Variants in RANBP2 observed in about 807,000 individuals in gnomAD.
The protein encoded by RANBP2 is E3 SUMO-protein ligase RanBP2.
RANBP2 carries 57 observed loss-of-function variants against 303.6 expected under a neutral mutation model. The ratio of observed to expected loss-of-function variants is 0.19; its 90% CI spans 0.15 to 0.23. The LOEUF is 0.23. Among genes scored for constraint, RANBP2 ranks in the 10% least tolerant of loss-of-function variants. RANBP2 has a pLI of 1.00. For synonymous variants in RANBP2, 1,167 were observed against 1,301.5 expected, an observed-to-expected ratio of 0.90 and a Z score of 2.23; for missense variants, 3,138 against 3,780.8, an observed-to-expected ratio of 0.83 and a Z score of 4.46.
chr2:109,280,170 T>C, the RANBP2 span, among the ~76,000 whole-genome samples: 2 of 152,196 alleles, frequency 1.3e-5, no homozygotes, highest in African/African-American at 4.8e-5. Context: ...AGCTGACATC[T>C]ATAATTAATG....
intron 6 of RANBP2, among the ~76,000 whole-genome samples, chr2:108,738,930 A>C (rs1012832910): frequency 7.9e-5 from 12 of 152,048 alleles, no homozygotes; most frequent in African/African-American, 2.6e-4. Context: ...GCACAGGGCC[A>C]ATAATAGCAT....
chr2:108,845,869 C>T, the RANBP2 span, among the ~76,000 whole-genome samples: 2 of 152,144 alleles, frequency 1.3e-5, no homozygotes, highest in Non-Finnish European at 1.5e-5. Flanking sequence ...CCGCGCCCAG[C>T]CTCATTTTAT....
At chr2:109,501,425 C>A in the RANBP2 span, 1 of 648,052 alleles carries the variant, frequency 1.5e-6, no homozygotes, top group South Asian at 1.8e-5. Flanking sequence ...ATAATTTACA[C>A]CGAGGGAAGA....
the RANBP2 span, among the ~76,000 whole-genome samples, chr2:109,447,427 A>G: frequency 6.6e-6 from 1 of 152,154 alleles, no homozygotes; most frequent in Non-Finnish European, 1.5e-5. Context: ...GGGGGCTGAG[A>G]AGATTGTTTT....
chr2:109,498,649 C>T, the RANBP2 span, among the ~76,000 whole-genome samples: 1 of 152,222 alleles, frequency 6.6e-6, no homozygotes, highest in Admixed American at 6.5e-5. Flanking sequence ...GTTCATTCCC[C>T]CTAAGTAGTA....
chr2:109,756,434 G>A, the RANBP2 span, among the ~76,000 whole-genome samples: 11 of 120,828 alleles, frequency 9.1e-5, no homozygotes, highest in Admixed American at 1.8e-4. Flanking sequence ...GAGACAAAGT[G>A]GCGTATGTGG....
chr2:108,930,186 G>C, the RANBP2 span: 13 of 1,613,970 alleles, frequency 8.1e-6, no homozygotes, highest in Non-Finnish European at 1.1e-5. Context: ...TCTGGTTGTA[G>C]TACTCGTTCT....
At chr2:108,804,385 CAT>C in the RANBP2 span, among the ~76,000 whole-genome samples, 6 of 152,080 alleles carry the variant, frequency 3.9e-5, no homozygotes, top group African/African-American at 9.7e-5. Flanking sequence ...ATGTATCTAA[CAT>C]ATTTTGAGAT....
the RANBP2 span, among the ~76,000 whole-genome samples, chr2:109,525,462 G>A: frequency 6.6e-6 from 1 of 152,104 alleles, no homozygotes; most frequent in African/African-American, 2.4e-5. Flanking sequence ...CCATGCCTGA[G>A]GGCTGAAAGT....
chr2:108,864,814 A>C, the RANBP2 span, among the ~76,000 whole-genome samples: 1 of 137,768 alleles, frequency 7.3e-6, no homozygotes, highest in Non-Finnish European at 1.6e-5. Flanking sequence ...AAAAAAAATT[A>C]GCTTGGCATA....
the RANBP2 span, among the ~76,000 whole-genome samples, chr2:109,588,171 A>C: frequency 1.3e-5 from 2 of 152,208 alleles, no homozygotes; most frequent in African/African-American, 4.8e-5. Context: ...AATGAAGGCA[A>C]AATGAAGACA....
At chr2:108,771,203 C>G (rs1480897083) in intron 20 of RANBP2, among the ~76,000 whole-genome samples, 2 of 150,686 alleles carry the variant, frequency 1.3e-5, no homozygotes, top group Non-Finnish European at 2.9e-5. Flanking sequence ...AGATGCAACT[C>G]TAGTCACCTT....
chr2:109,644,300 C>G, the RANBP2 span, among the ~76,000 whole-genome samples: 12 of 151,786 alleles, frequency 7.9e-5, no homozygotes, highest in Non-Finnish European at 1.6e-4. Flanking sequence ...GAGTGAGACT[C>G]GTCTCAAAAA....
chr2:108,776,836 A>G (rs1677925344), intron 24 of RANBP2, among the ~76,000 whole-genome samples: 1 of 152,308 alleles, frequency 6.6e-6, no homozygotes, highest in African/African-American at 2.4e-5. Flanking sequence ...TCCATAGAGC[A>G]GAAACTGTAG....
intron 24 of RANBP2, 61 bp from the exon 25 acceptor site, chr2:108,777,069 G>A: frequency 6.8e-7 from 1 of 1,462,988 alleles, no homozygotes. Context: ...TAGGTCCTGG[G>A]GTAAAGCTTT....
chr2:109,273,101 A>G, the RANBP2 span, among the ~76,000 whole-genome samples: 1 of 152,248 alleles, frequency 6.6e-6, no homozygotes, highest in East Asian at 1.9e-4. Flanking sequence ...TTGAAGAGAT[A>G]CTGGTTCTTG....
At chr2:108,916,692 C>T in the RANBP2 span, among the ~76,000 whole-genome samples, 7 of 152,130 alleles carry the variant, frequency 4.6e-5, no homozygotes, top group African/African-American at 1.7e-4. Context: ...GCTCTGAGCA[C>T]GTGTGCGCAG....
chr2:109,363,283 A>G, the RANBP2 span, among the ~76,000 whole-genome samples: 2 of 152,112 alleles, frequency 1.3e-5, no homozygotes, highest in Non-Finnish European at 2.9e-5. Context: ...TTCATTTACA[A>G]TGAATTCAAG....
chr2:108,828,544 C>T, the RANBP2 span, among the ~76,000 whole-genome samples: 1 of 152,176 alleles, frequency 6.6e-6, no homozygotes, highest in Non-Finnish European at 1.5e-5. Context: ...AATATAAGCC[C>T]TCACATATAG....
Sources: gnomAD v4.1 joint callset for allele counts (sites outside exome capture counted in the v4.1 genomes callset) on GRCh38, gnomAD v4.1.1 for gene constraint, MANE v1.5 for transcripts, NCBI Gene and HGNC (gene_info 2026-07-23, HGNC 2026-07-21) for gene names.